BACH2: variants seen among roughly 807,000 people sequenced by gnomAD.
BACH2 encodes transcription regulator protein BACH2.
Under a neutral mutation model 61.8 loss-of-function variants are expected in BACH2, and 5 were observed. The observed-to-expected ratio is 0.08, with a 90% CI of 0.04 to 0.17. BACH2 has a LOEUF of 0.17. Ranked by LOEUF, BACH2 falls within the 10% of genes least tolerant of loss-of-function variation. The pLI is 1.00. For synonymous variants in BACH2, 446 were observed against 440.1 expected (o/e 1.01, Z -0.17); for missense variants, 824 against 1,091.1 (o/e 0.76, Z 3.45).
At chr6:89,955,335 A>C (rs1332361364) in intron 6 of BACH2, among the ~76,000 whole-genome samples, 1 of 152,228 alleles carries the variant, frequency 6.6e-6, no homozygotes, top group Non-Finnish European at 1.5e-5. Context: ...AAGTTAACTA[A>C]GTAACAATGT....
intron 3 of BACH2, among the ~76,000 whole-genome samples, chr6:90,227,178 A>T (rs556976427): frequency 6.9e-4 from 105 of 152,354 alleles, no homozygotes; most frequent in Admixed American, 1.2e-3. Flanking sequence ...ACATTTTCAA[A>T]GTGCAGCATC....
chr6:90,101,356 A>G (rs961913612), intron 4 of BACH2, among the ~76,000 whole-genome samples: 21 of 152,124 alleles, frequency 1.4e-4, no homozygotes, highest in African/African-American at 4.8e-4. Context: ...TTCTTCTAAG[A>G]GTTTTAGAAT....
chr6:90,293,804 A>G (rs1772254917), intron 1 of BACH2, among the ~76,000 whole-genome samples: 1 of 152,202 alleles, frequency 6.6e-6, no homozygotes, highest in African/African-American at 2.4e-5. Flanking sequence ...TAAATTCCAT[A>G]TCTGAATAAC....
At chr6:90,203,379 T>C (rs1285946788) in intron 4 of BACH2, among the ~76,000 whole-genome samples, 1 of 116,832 alleles carries the variant, frequency 8.6e-6, no homozygotes, top group Non-Finnish European at 1.7e-5. Context: ...CAAGACCCTC[T>C]CTCTCTCTCT....
intron 5 of BACH2, among the ~76,000 whole-genome samples, chr6:90,017,498 AG>A (rs1778132763): frequency 1.3e-5 from 2 of 152,294 alleles, no homozygotes; most frequent in South Asian, 4.1e-4. Context: ...CTGGGATCAC[AG>A]GCTTGAGTCA....
intron 6 of BACH2, among the ~76,000 whole-genome samples, chr6:90,005,462 C>CTT (rs1777358605): frequency 6.6e-6 from 1 of 152,160 alleles, no homozygotes; most frequent in Non-Finnish European, 1.5e-5. Context: ...CGATTAGTTC[C>CTT]AGAAAGCTAC....
At chr6:90,071,335 C>A (rs918206152) in intron 5 of BACH2, among the ~76,000 whole-genome samples, 1 of 152,180 alleles carries the variant, frequency 6.6e-6, no homozygotes, top group African/African-American at 2.4e-5. Context: ...TCTTGCAGTA[C>A]AGCATAATAA....
intron 4 of BACH2, among the ~76,000 whole-genome samples, chr6:90,116,396 A>G (rs1365969466): frequency 6.6e-6 from 1 of 152,216 alleles, no homozygotes; most frequent in Non-Finnish European, 1.5e-5. Context: ...GCAGGAACAG[A>G]AAACCAAATA....
At chr6:90,295,485 A>G (rs1582577211) in intron 1 of BACH2, among the ~76,000 whole-genome samples, 1 of 151,928 alleles carries the variant, frequency 6.6e-6, no homozygotes, top group East Asian at 2.0e-4. Context: ...GTAGCCCGTG[A>G]GCGCCGCCCG....
At position 89,950,316 on chromosome 6, in the gene BACH2, G is replaced by A; in HGVS notation, c.1790C>T (p.Ser597Leu). Reference protein sequence around the residue: ...TNSSDESGSFSEADSESCPVQ... With the variant: ...TNSSDESGSFLEADSESCPVQ... ...AGGACACGACTCACTGTCTGCTTCCGAGAACGATCCGGATTCGTCACTGGA... is the reference window on the plus strand; with the variant it reads ...AGGACACGACTCACTGTCTGCTTCCAAGAACGATCCGGATTCGTCACTGGA... The change falls in exon 7 of 9, where the codon TCG (serine) becomes TTG (leucine). Residue 597 changes from serine to leucine, a missense_variant. Ser to Leu is a moderately radical substitution (Grantham distance 145, BLOSUM62 -2). Transcript: ENST00000257749. The surrounding 1 kb of genome is among the most constrained non-coding windows in gnomAD (Gnocchi z 5.3). 1 of 1,614,106 alleles carries A rather than the reference G, an allele frequency of 6.2e-7. No individual in the cohort carries two copies. The highest frequency in any genetic ancestry group is 8.5e-7 in the Non-Finnish European group (1 of 1,180,014).
intron 4 of BACH2, among the ~76,000 whole-genome samples, chr6:90,180,797 T>C (rs1297704943): frequency 6.6e-6 from 1 of 151,980 alleles, no homozygotes; most frequent in Admixed American, 6.6e-5. Context: ...TGGAATGCAT[T>C]CTATTTACAC....
At position 90,273,285 on chromosome 6, in the gene BACH2, G is replaced by A. The variant is rs6923623; in HGVS notation, c.-445-1344C>T. Among the ~76,000 whole-genome samples, 986 of 152,164 alleles carry A rather than the reference G, an allele frequency of 6.5e-3. 10 individuals are homozygous for A. The highest frequency in any genetic ancestry group is 0.023 in the African/African-American group (941 of 41,502). On this transcript the variant is annotated intron_variant, in intron 1 of 8. Coordinates refer to ENST00000257749, the MANE Select transcript of BACH2 (RefSeq NM_021813.4). The stretch of plus-strand genomic sequence containing the variant: ...AGGCAAAAGGATCACTCGAGCCCAG[G>A]AGTTCGAGGCCACCATGAGCTACGA...
intron 5 of BACH2, among the ~76,000 whole-genome samples, chr6:90,040,790 T>TAC (rs988749214): frequency 1.3e-5 from 2 of 152,066 alleles, no homozygotes; most frequent in South Asian, 2.1e-4. Context: ...TATATATATA[T>TAC]ACACATGTGT....
chr6:90,257,156 T>C (rs1448360712), intron 2 of BACH2, among the ~76,000 whole-genome samples: 2 of 152,202 alleles, frequency 1.3e-5, no homozygotes, highest in Non-Finnish European at 2.9e-5. Flanking sequence ...TTCCATATCT[T>C]AGTTATTGTG....
chr6:90,051,256 A>C (rs905969791), intron 5 of BACH2, among the ~76,000 whole-genome samples: 4 of 152,182 alleles, frequency 2.6e-5, no homozygotes, highest in African/African-American at 7.2e-5. Flanking sequence ...ACTGGTATAT[A>C]AGGCAATTAA....
intron 4 of BACH2, among the ~76,000 whole-genome samples, chr6:90,172,281 G>A (rs1327468103): frequency 2.7e-5 from 4 of 146,610 alleles, no homozygotes; most frequent in Non-Finnish European, 5.9e-5. Context: ...ACTACAGCCC[G>A]GGTGACAGAG....
intron 6 of BACH2, among the ~76,000 whole-genome samples, chr6:89,965,814 C>T (rs1231666801): frequency 2.0e-5 from 3 of 152,200 alleles, no homozygotes; most frequent in Non-Finnish European, 4.4e-5. Flanking sequence ...AAGCAAGTAG[C>T]TTGACACACC....
chr6:89,967,037 G>C (rs891735017), intron 6 of BACH2, among the ~76,000 whole-genome samples: 1 of 152,184 alleles, frequency 6.6e-6, no homozygotes, highest in Non-Finnish European at 1.5e-5. Flanking sequence ...GAGATGCTGA[G>C]GCAGGGGAGA....
At chr6:90,186,930 A>G (rs1768378662) in intron 4 of BACH2, among the ~76,000 whole-genome samples, 2 of 152,184 alleles carry the variant, frequency 1.3e-5, no homozygotes, top group Non-Finnish European at 2.9e-5. Flanking sequence ...CTTAACCACT[A>G]AGGACTTGTT....
Sources: allele counts gnomAD v4.1 joint callset (sites outside exome capture counted in the v4.1 genomes callset), GRCh38; gene constraint gnomAD v4.1.1; non-coding constraint Gnocchi (gnomAD v3.1); transcripts MANE v1.5; gene names NCBI Gene and HGNC (gene_info 2026-07-23, HGNC 2026-07-21).